DOCK4: variants seen among roughly 807,000 people sequenced by gnomAD.
DOCK4 encodes the protein dedicator of cytokinesis 4.
In DOCK4, 97 loss-of-function variants were observed where a neutral mutation model predicts 268.1. The ratio of observed to expected loss-of-function variants is 0.36; its 90% CI spans 0.31 to 0.43. The LOEUF (loss-of-function observed/expected upper bound fraction) is 0.43. DOCK4 is among the 20% of genes least tolerant of loss of function. The pLI is 1.00. For synonymous variants in DOCK4, 954 were observed against 887.2 expected, an observed-to-expected ratio of 1.08 and a Z score of -1.34; for missense variants, 2,145 against 2,455.7, an observed-to-expected ratio of 0.87 and a Z score of 2.67.
At chr7:111,819,773 T>A (rs944169645) in intron 27 of DOCK4, 2 of 152,244 alleles carry the variant, frequency 1.3e-5, no homozygotes, top group African/African-American at 2.4e-5. Context: ...CTCAGCCACC[T>A]GCTATCAATT....
At chr7:112,195,681 G>A (rs1237161626) in intron 1 of DOCK4, among the ~76,000 whole-genome samples, 1 of 151,016 alleles carries the variant, frequency 6.6e-6, no homozygotes, top group Non-Finnish European at 1.5e-5. Flanking sequence ...AACAACGGAT[G>A]AGATTATTCC....
chr7:112,153,835 G>A (rs1317808686), intron 1 of DOCK4, among the ~76,000 whole-genome samples: 1 of 152,134 alleles, frequency 6.6e-6, no homozygotes, highest in Non-Finnish European at 1.5e-5. Flanking sequence ...TGTGTGCAAG[G>A]CATCATACCA....
intron 8 of DOCK4, among the ~76,000 whole-genome samples, chr7:111,952,558 A>G (rs1265425519): frequency 1.3e-5 from 2 of 152,222 alleles, no homozygotes; most frequent in Non-Finnish European, 2.9e-5. Flanking sequence ...TTCACCTCAC[A>G]TAAGAAGTAA....
Position 111,900,556 on chromosome 7 carries a change from A to G in DOCK4, c.1318-20T>C. 2 of 1,604,254 alleles carry G rather than the reference A, an allele frequency of 1.2e-6. No individual in the cohort carries two copies. The highest frequency in any genetic ancestry group is 1.7e-6 in the Non-Finnish European group (2 of 1,175,496). On this transcript the variant is annotated intron_variant, in intron 14 of 52. Transcript: ENST00000428084. Reference sequence around the variant, plus strand: ...AAAATCCTAACAAAGGGAAGAACACACAGGTTAAAGAGAGCTTCATCTAAA... The same window carrying G: ...AAAATCCTAACAAAGGGAAGAACACGCAGGTTAAAGAGAGCTTCATCTAAA...
At chr7:111,877,507 A>G (rs1477007075) in intron 16 of DOCK4, among the ~76,000 whole-genome samples, 1 of 152,196 alleles carries the variant, frequency 6.6e-6, no homozygotes, top group Non-Finnish European at 1.5e-5. Context: ...ATTAGGTTAT[A>G]TAAAGCCTTT....
chr7:111,974,357 A>C (rs906326513), intron 8 of DOCK4, among the ~76,000 whole-genome samples: 1 of 152,068 alleles, frequency 6.6e-6, no homozygotes, highest in Admixed American at 6.5e-5. Flanking sequence ...TTTTTTTGCC[A>C]ATCACCTTTA....
chr7:111,874,966 C>A (rs531974099), intron 17 of DOCK4, among the ~76,000 whole-genome samples: 3 of 152,150 alleles, frequency 2.0e-5, no homozygotes, highest in Admixed American at 6.5e-5. Flanking sequence ...ATATTTTCCA[C>A]GTCAAGAAAA....
rs1187382922 is a variant in DOCK4 at position 111,891,995 on chromosome 7, T to C, written c.1587+3617A>G. On this transcript the variant is annotated intron_variant, in intron 16 of 52. Transcript: ENST00000428084. ...TTATAAAGCAACTCTTTACAAGCTG[T>C]GTTGCAACTATATTTCAGTTTGAAA... Among the ~76,000 whole-genome samples the C allele has an allele frequency of 2.0e-5, 3 of 152,214 alleles. No homozygotes were observed. In the East Asian group the frequency reaches 5.8e-4, roughly 29 times the overall value.
chr7:112,074,138 C>A (rs4730509), intron 1 of DOCK4, among the ~76,000 whole-genome samples: 3 of 151,926 alleles, frequency 2.0e-5, no homozygotes, highest in Admixed American at 2.0e-4. Flanking sequence ...ATGACTTTCA[C>A]GTTAAAAATA....
intron 1 of DOCK4, among the ~76,000 whole-genome samples, chr7:112,191,329 TCACGTCACTCAG>T (rs1819933518): frequency 6.6e-6 from 1 of 152,136 alleles, no homozygotes; most frequent in Admixed American, 6.5e-5. Context: ...TTTATTCCCT[TCACGTCACTCAG>T]CACTGTTTGG....
At chr7:112,192,752 A>C (rs968771667) in intron 1 of DOCK4, among the ~76,000 whole-genome samples, 7 of 152,184 alleles carry the variant, frequency 4.6e-5, no homozygotes, top group African/African-American at 1.2e-4. Flanking sequence ...ATCTCTTTGG[A>C]TGCTTATCAA....
intron 27 of DOCK4, among the ~76,000 whole-genome samples, chr7:111,817,805 A>G (rs893692185): frequency 6.6e-6 from 1 of 152,174 alleles, no homozygotes; most frequent in Non-Finnish European, 1.5e-5. Flanking sequence ...ATCTCCTTCC[A>G]GATACAGCCC....
intron 8 of DOCK4, among the ~76,000 whole-genome samples, chr7:111,969,607 G>A (rs1797538174): frequency 6.6e-6 from 1 of 150,654 alleles, no homozygotes; most frequent in South Asian, 2.1e-4. Flanking sequence ...AGGTGAATAG[G>A]TTCTGGAGAG....
At chr7:111,941,978 T>G (rs2134778960) in intron 10 of DOCK4, among the ~76,000 whole-genome samples, 1 of 152,326 alleles carries the variant, frequency 6.6e-6, no homozygotes, top group South Asian at 2.1e-4. Flanking sequence ...AAGCCACGGC[T>G]TTAGACACCA....
intron 1 of DOCK4, among the ~76,000 whole-genome samples, chr7:112,129,793 T>A (rs966384217): frequency 1.3e-5 from 2 of 152,136 alleles, no homozygotes; most frequent in African/African-American, 4.8e-5. Flanking sequence ...GAGGACAACA[T>A]TCCTCCTTTT....
intron 8 of DOCK4, among the ~76,000 whole-genome samples, chr7:111,958,343 G>A (rs760489067): frequency 1.3e-5 from 2 of 152,134 alleles, no homozygotes; most frequent in Admixed American, 6.5e-5. Context: ...CACAAATGGC[G>A]TTGAATACCA....
At chr7:112,066,163 G>A (rs1336221182) in intron 1 of DOCK4, among the ~76,000 whole-genome samples, 1 of 152,170 alleles carries the variant, frequency 6.6e-6, no homozygotes, top group East Asian at 1.9e-4. Context: ...ATTTGAATCA[G>A]TGGGCTGCAC....
chr7:111,871,897 C>A, intron 20 of DOCK4, 93 bp downstream of exon 20: 2 of 984,794 alleles, frequency 2.0e-6, no homozygotes, highest in Non-Finnish European at 3.0e-6. Context: ...TTTCTTCCTA[C>A]ACTCCCTTTT....
Position 112,164,245 on chromosome 7 carries a change from TG to T in DOCK4, c.37+41856del, listed in dbSNP as rs563727768. On this transcript the variant is annotated intron_variant, in intron 1 of 52. Transcript: ENST00000428084. ...ATGATCAAGCCACTGCACTCCAGCC[TG>T]GGTGACAGAGTGAGACCCTGTCTCT... Among the ~76,000 whole-genome samples the T allele has an allele frequency of 2.4e-4, 36 of 152,228 alleles. 1 individual carries two copies. The highest frequency in any genetic ancestry group is 2.4e-3 in the Admixed American group (36 of 15,288).
Sources: allele counts gnomAD v4.1 joint callset (sites outside exome capture counted in the v4.1 genomes callset), GRCh38; gene constraint gnomAD v4.1.1; transcripts MANE v1.5; gene names NCBI Gene and HGNC (gene_info 2026-07-23, HGNC 2026-07-21).